Variants in VPS13B observed in about 807,000 individuals in gnomAD.
VPS13B encodes intermembrane lipid transfer protein VPS13B.
In VPS13B, 285 loss-of-function variants were observed where a neutral mutation model predicts 426.4. The ratio of observed to expected loss-of-function variants is 0.67; its 90% confidence interval spans 0.61 to 0.74. The LOEUF is 0.74. VPS13B is among the 30% of genes least tolerant of loss of function. The pLI, the probability that VPS13B is intolerant of heterozygous loss-of-function variation, is 0.00. For synonymous variants in VPS13B, 1,676 were observed against 1,676.4 expected (o/e 1.00, Z 0.01); for missense variants, 4,537 against 4,782.6 (o/e 0.95, Z 1.51).
At chr8:99,360,131 TTTCTTTCTTTC>T (rs1812427464) in intron 19 of VPS13B, among the ~76,000 whole-genome samples, 2 of 21,200 alleles carry the variant, frequency 9.4e-5, no homozygotes. Context: ...TCTTTCTTTC[TTTCTTTCTTTC>T]TTTCTTTCTT....
At chr8:99,577,671 TG>T in intron 33 of VPS13B, 38 bp downstream of exon 33, 1 of 1,611,038 alleles carries the variant, frequency 6.2e-7, no homozygotes, top group Non-Finnish European at 8.5e-7. Flanking sequence ...TTACTGCATT[TG>T]TTCCAACTTT....
At chr8:99,802,732 G>C (rs1363455542) in intron 43 of VPS13B, among the ~76,000 whole-genome samples, 1 of 152,062 alleles carries the variant, frequency 6.6e-6, no homozygotes, top group Non-Finnish European at 1.5e-5. Flanking sequence ...CAATTAATCT[G>C]TTGTTAACTG....
intron 2 of VPS13B, among the ~76,000 whole-genome samples, chr8:99,036,001 T>C (rs1187383426): frequency 6.6e-6 from 1 of 152,198 alleles, no homozygotes; most frequent in Non-Finnish European, 1.5e-5. Flanking sequence ...AGAATTATTG[T>C]TATTTTGTTG....
At chr8:99,134,864 CT>C in intron 9 of VPS13B, 137 bp downstream of exon 9, 1 of 1,182,632 alleles carries the variant, frequency 8.5e-7, no homozygotes, top group Non-Finnish European at 1.2e-6. Context: ...AGTTTACTAT[CT>C]CATGGATAGT....
intron 33 of VPS13B, among the ~76,000 whole-genome samples, chr8:99,593,637 G>A (rs949398840): frequency 1.3e-5 from 2 of 151,850 alleles, no homozygotes; most frequent in Admixed American, 6.6e-5. Context: ...ATTCACAATA[G>A]CAAAGACATG....
intron 5 of VPS13B, among the ~76,000 whole-genome samples, chr8:99,107,354 G>A (rs78224600): frequency 0.016 from 2,502 of 152,070 alleles, 71 homozygotes; most frequent in African/African-American, 0.057. Flanking sequence ...GAACAAACAC[G>A]TAAAAAAGAG....
chr8:99,529,854 C>T (rs986443664), intron 30 of VPS13B, among the ~76,000 whole-genome samples: 5 of 152,192 alleles, frequency 3.3e-5, no homozygotes, highest in African/African-American at 4.8e-5. Flanking sequence ...AAATCCCTGT[C>T]TTTTAATGCA....
chr8:99,463,165 T>G (rs1818925837), intron 23 of VPS13B, among the ~76,000 whole-genome samples: 1 of 152,226 alleles, frequency 6.6e-6, no homozygotes, highest in Non-Finnish European at 1.5e-5. Flanking sequence ...ATACCTTTGT[T>G]GTTGGAAGGG....
At chr8:99,307,027 G>A (rs1459753859) in intron 19 of VPS13B, among the ~76,000 whole-genome samples, 1 of 152,066 alleles carries the variant, frequency 6.6e-6, no homozygotes, top group Non-Finnish European at 1.5e-5. Flanking sequence ...ATTACTACAT[G>A]AATAAAAGTA....
In VPS13B at chr8:99,859,455, A is replaced by G. The variant is rs1588794390; in HGVS notation, c.11019A>G (p.Thr3673=). The G allele has an allele frequency of 6.2e-7, 1 of 1,613,224 alleles. No homozygotes were observed. The highest frequency in any genetic ancestry group is 1.3e-5 in the African/African-American group (1 of 74,712). Residue 3673 remains threonine (T), a synonymous_variant, in exon 57 of 62, where the codon ACA becomes ACG. Transcript: ENST00000357162. The part of the protein sequence containing the change: ...AFVSGVSRGT[T]SFVKHISKGT... ...TGAGTGGCGTCTCCAGAGGGACCACATCGTTTGTAAAGCACATCTCCAAAG... is the reference window on the plus strand; with the variant it reads ...TGAGTGGCGTCTCCAGAGGGACCACGTCGTTTGTAAAGCACATCTCCAAAG...
intron 25 of VPS13B, among the ~76,000 whole-genome samples, chr8:99,497,806 A>G (rs571981173): frequency 6.6e-6 from 1 of 152,240 alleles, no homozygotes; most frequent in East Asian, 1.9e-4. Flanking sequence ...AATTTACTCA[A>G]TTGCTATTTT....
intron 35 of VPS13B, among the ~76,000 whole-genome samples, chr8:99,673,096 T>A (rs887062541): frequency 2.0e-5 from 3 of 152,116 alleles, no homozygotes; most frequent in African/African-American, 7.2e-5. Flanking sequence ...TTTTCTTTTT[T>A]TAGCATGTCT....
intron 61 of VPS13B, among the ~76,000 whole-genome samples, chr8:99,872,306 CTCTCTCTCAAATCCACT>C (rs1211222228): frequency 3.9e-5 from 6 of 152,202 alleles, no homozygotes; most frequent in Non-Finnish European, 7.3e-5. Context: ...GTGAAGTGGT[CTCTCTCTCAAATCCACT>C]GCTTTGTATT....
chr8:99,783,471 A>T (rs1350443271), intron 42 of VPS13B, among the ~76,000 whole-genome samples: 1 of 152,218 alleles, frequency 6.6e-6, no homozygotes, highest in Non-Finnish European at 1.5e-5. Flanking sequence ...GCCATAGCCT[A>T]ACCAGAGTGA....
chr8:99,465,536 A>G (rs1467573421), intron 23 of VPS13B, among the ~76,000 whole-genome samples: 3 of 151,998 alleles, frequency 2.0e-5, no homozygotes, highest in Admixed American at 2.0e-4. Flanking sequence ...AATTTAACAA[A>G]TTTTAATCTG....
intron 14 of VPS13B, among the ~76,000 whole-genome samples, chr8:99,154,150 G>GT (rs200498111): frequency 5.5e-5 from 8 of 146,614 alleles, no homozygotes; most frequent in South Asian, 4.3e-4. Context: ...CTGTATGTAG[G>GT]TTTTTTTTGT....
At chr8:99,763,248 T>C (rs1169086308) in intron 39 of VPS13B, among the ~76,000 whole-genome samples, 1 of 152,024 alleles carries the variant, frequency 6.6e-6, no homozygotes, top group African/African-American at 2.4e-5. Flanking sequence ...AGTTCATACT[T>C]TCAACTTCTA....
chr8:99,165,749 C>T (rs1563578154), intron 15 of VPS13B, among the ~76,000 whole-genome samples: 1 of 152,096 alleles, frequency 6.6e-6, no homozygotes, highest in Non-Finnish European at 1.5e-5. Flanking sequence ...TCTACCTTAC[C>T]ACCCATTTGT....
chr8:99,620,896 G>A (rs1183345943), intron 33 of VPS13B, among the ~76,000 whole-genome samples: 1 of 149,544 alleles, frequency 6.7e-6, no homozygotes, highest in East Asian at 2.0e-4. Flanking sequence ...TCAGGCAGGA[G>A]ATTCGCTTGA....
Sources: gnomAD v4.1 joint callset for allele counts (sites outside exome capture counted in the v4.1 genomes callset) on GRCh38, gnomAD v4.1.1 for gene constraint, MANE v1.5 for transcripts, NCBI Gene and HGNC (gene_info 2026-07-23, HGNC 2026-07-21) for gene names.